The following SYT1 variants were observed in gnomAD, a reference collection of about 807,000 sequenced individuals.
The protein encoded by SYT1 is synaptotagmin-1.
In SYT1, 8 loss-of-function variants were observed where a neutral mutation model predicts 44.8. The observed-to-expected ratio is 0.18, with a 90% confidence interval of 0.10 to 0.32. The LOEUF (loss-of-function observed/expected upper bound fraction) is 0.32. Among genes scored for constraint, SYT1 ranks in the 10% least tolerant of loss-of-function variants. SYT1 has a pLI of 1.00. For synonymous variants in SYT1, 154 were observed against 188.8 expected (o/e 0.82, Z 1.51); for missense variants, 286 against 509.3 (o/e 0.56, Z 4.22).
rs73354749 is a variant in SYT1, at chr12:79,382,918, A to T, written c.928+29299A>T. Among the ~76,000 whole-genome samples, 691 of 152,356 alleles carry T rather than the reference A, an allele frequency of 4.5e-3. 7 individuals are homozygous for T. Among genetic ancestry groups the T allele is most frequent in the African/African-American group, 0.016 (660 of 41,590 alleles). On this transcript the variant is annotated intron_variant, in intron 9 of 10. Coordinates refer to ENST00000261205, the MANE Select transcript of SYT1 (RefSeq NM_005639.3). ...TACAACATAAACTTTTCTCCCAAGT[A>T]GTCTGTGTCGTGTGTGAAACTGTAG...
chr12:79,185,308 ATT>A (rs1180745233), intron 3 of SYT1, among the ~76,000 whole-genome samples: 1 of 152,032 alleles, frequency 6.6e-6, no homozygotes, highest in Non-Finnish European at 1.5e-5. Context: ...TTGCATTTCT[ATT>A]TTTCCGACTG....
intron 3 of SYT1, among the ~76,000 whole-genome samples, chr12:79,179,105 TATAGATATAGATA>T (rs1872162389): frequency 8.1e-6 from 1 of 123,010 alleles, no homozygotes; most frequent in African/African-American, 3.3e-5. Flanking sequence ...GATATAGATA[TATAGATATAGATA>T]TAGATATAGA....
chr12:78,957,699 T>C (rs938251475), intron 1 of SYT1, among the ~76,000 whole-genome samples: 1 of 152,194 alleles, frequency 6.6e-6, no homozygotes, highest in African/African-American at 2.4e-5. Flanking sequence ...GTTTTTGTTA[T>C]TGTTACTGTT....
intron 3 of SYT1, among the ~76,000 whole-genome samples, chr12:79,047,840 T>C (rs139851263): frequency 6.6e-6 from 1 of 152,042 alleles, no homozygotes; most frequent in East Asian, 1.9e-4. Flanking sequence ...TTCTCATTAG[T>C]ACATTTGTTT....
At chr12:78,923,843 T>C (rs1259671934) in intron 1 of SYT1, among the ~76,000 whole-genome samples, 1 of 151,902 alleles carries the variant, frequency 6.6e-6, no homozygotes, top group Non-Finnish European at 1.5e-5. Context: ...CATCAGGAAA[T>C]TAACATTCAC....
intron 2 of SYT1, among the ~76,000 whole-genome samples, chr12:79,022,243 A>C (rs527898739): frequency 3.9e-5 from 6 of 151,954 alleles, no homozygotes; most frequent in South Asian, 4.1e-4. Flanking sequence ...AGTCTCTTAG[A>C]TAGGGTAAAT....
chr12:79,095,040 C>T (rs1012374434), intron 3 of SYT1, among the ~76,000 whole-genome samples: 1 of 151,820 alleles, frequency 6.6e-6, no homozygotes, highest in Non-Finnish European at 1.5e-5. Flanking sequence ...GTAGGCCACC[C>T]ATACATGAGG....
intron 3 of SYT1, among the ~76,000 whole-genome samples, chr12:79,162,785 T>C (rs1402071656): frequency 3.3e-5 from 5 of 152,098 alleles, no homozygotes; most frequent in African/African-American, 1.2e-4. Context: ...ATGCAAGACT[T>C]TACATTTTCT....
intron 3 of SYT1, among the ~76,000 whole-genome samples, chr12:79,100,823 T>C (rs532398779): frequency 6.6e-6 from 1 of 152,230 alleles, no homozygotes; most frequent in South Asian, 2.1e-4. Flanking sequence ...AACACATAAA[T>C]GTATAATAAC....
chr12:79,157,651 G>T (rs953675194), intron 3 of SYT1, among the ~76,000 whole-genome samples: 1 of 152,060 alleles, frequency 6.6e-6, no homozygotes, highest in African/African-American at 2.4e-5. Context: ...TGGGTATTAA[G>T]AATATAAGGA....
intron 1 of SYT1, among the ~76,000 whole-genome samples, chr12:78,933,164 C>G (rs574786621): frequency 2.6e-5 from 4 of 152,102 alleles, no homozygotes; most frequent in Non-Finnish European, 4.4e-5. Flanking sequence ...CCTCATCTCT[C>G]TTTATCATCT....
intron 3 of SYT1, among the ~76,000 whole-genome samples, chr12:79,095,997 C>T (rs571992850): frequency 3.3e-5 from 5 of 151,848 alleles, no homozygotes; most frequent in African/African-American, 7.2e-5. Context: ...AGAGTCTTGG[C>T]GGTCCTGAGG....
At chr12:78,926,327 A>C (rs1256482645) in intron 1 of SYT1, among the ~76,000 whole-genome samples, 1 of 152,032 alleles carries the variant, frequency 6.6e-6, no homozygotes, top group African/African-American at 2.4e-5. Flanking sequence ...ACATTGCTGC[A>C]TTTTTCTCAT....
chr12:79,115,877 T>G (rs1879248599), intron 3 of SYT1, among the ~76,000 whole-genome samples: 2 of 152,194 alleles, frequency 1.3e-5, no homozygotes, highest in South Asian at 4.1e-4. Context: ...TTCTACAGGA[T>G]TTTTCAGACA....
intron 4 of SYT1, among the ~76,000 whole-genome samples, chr12:79,260,196 G>T (rs1044765375): frequency 6.6e-6 from 1 of 152,116 alleles, no homozygotes; most frequent in African/African-American, 2.4e-5. Flanking sequence ...TTCTGTTGTT[G>T]TTCTGTGGCC....
chr12:79,345,209 G>A (rs961216194), intron 8 of SYT1, among the ~76,000 whole-genome samples: 7 of 152,166 alleles, frequency 4.6e-5, no homozygotes, highest in Non-Finnish European at 1.0e-4. Flanking sequence ...TTGTCTTAAA[G>A]CTACATTTGC....
At chr12:79,083,239 T>G (rs1387807639) in intron 3 of SYT1, among the ~76,000 whole-genome samples, 2 of 152,166 alleles carry the variant, frequency 1.3e-5, no homozygotes, top group Non-Finnish European at 2.9e-5. Context: ...TAATTAATTT[T>G]TAAAAACCAA....
intron 8 of SYT1, among the ~76,000 whole-genome samples, chr12:79,312,996 A>G (rs1880885963): frequency 1.3e-5 from 2 of 152,218 alleles, no homozygotes; most frequent in Admixed American, 1.3e-4. Flanking sequence ...CCTGTGGTAT[A>G]CTGTCACTTT....
At chr12:79,277,814 G>A (rs1285094499) in intron 4 of SYT1, among the ~76,000 whole-genome samples, 4 of 151,880 alleles carry the variant, frequency 2.6e-5, no homozygotes, top group Non-Finnish European at 5.9e-5. Context: ...ATAAAAGAGT[G>A]GGAAAATATA....
Sources: allele counts gnomAD v4.1 joint callset (sites outside exome capture counted in the v4.1 genomes callset), GRCh38; gene constraint gnomAD v4.1.1; transcripts MANE v1.5; gene names NCBI Gene and HGNC (gene_info 2026-07-23, HGNC 2026-07-21).